Variants in NIPBL observed in about 807,000 individuals in gnomAD.
NIPBL encodes NIPBL cohesin loading factor.
NIPBL carries 19 observed loss-of-function variants against 321.8 expected under a neutral mutation model. That is an observed-to-expected ratio of 0.06 (90% CI 0.04 to 0.09). The LOEUF is 0.09. Among genes scored for constraint, NIPBL ranks in the 10% least tolerant of loss-of-function variants. The pLI is 1.00. For missense variants in NIPBL, 2,210 were observed against 3,327.0 expected (o/e 0.66, Z 8.26); for synonymous variants, 1,106 against 1,114.1 (o/e 0.99, Z 0.14).
At position 36,985,257 on chromosome 5, in the gene NIPBL, T is replaced by A; in HGVS notation, c.2077T>A (p.Ser693Thr). 3.1e-6 allele frequency: 5 copies of A among 1,613,252 alleles called. No homozygotes were observed. Among genetic ancestry groups the A allele is most frequent in the Non-Finnish European group, 4.2e-6 (5 of 1,179,838 alleles). ...PNDNKQNNGR[S>T]ETTKSRPETP... Reference sequence around the variant, plus strand: ...TGACAACAAACAAAATAATGGCAGATCAGAAACAACAAAATCAAGGCCTGA... The same window carrying A: ...TGACAACAAACAAAATAATGGCAGAACAGAAACAACAAAATCAAGGCCTGA... Residue 693 changes from serine to threonine, a missense_variant, in exon 10 of 47, where the codon TCA (serine) becomes ACA (threonine). Around this residue, in one of 14 missense-constraint regions of NIPBL, gnomAD observed 588 missense variants for 564.1 expected, o/e 1.04. Transcript: ENST00000282516.
chr5:36,966,582 G>C (rs1264461063), intron 6 of NIPBL, among the ~76,000 whole-genome samples: 1 of 151,988 alleles, frequency 6.6e-6, no homozygotes, highest in Non-Finnish European at 1.5e-5. Context: ...ATGATACTTT[G>C]AGATCATGTA....
At chr5:36,921,607 C>CA (rs776261303) in intron 1 of NIPBL, among the ~76,000 whole-genome samples, 114 of 151,536 alleles carry the variant, frequency 7.5e-4, no homozygotes, top group Non-Finnish European at 1.4e-3. Flanking sequence ...TTGAAGCTTA[C>CA]AAAAAAAATA....
At chr5:36,970,309 C>A (rs1407485754) in intron 6 of NIPBL, among the ~76,000 whole-genome samples, 1 of 151,336 alleles carries the variant, frequency 6.6e-6, no homozygotes, top group Non-Finnish European at 1.5e-5. Flanking sequence ...TCACTTGAAC[C>A]CAGGAGTTTG....
intron 30 of NIPBL, among the ~76,000 whole-genome samples, chr5:37,025,480 T>C (rs530050826): frequency 5.3e-5 from 8 of 152,166 alleles, no homozygotes; most frequent in African/African-American, 1.9e-4. Flanking sequence ...CTCATAGAGA[T>C]AGAGAATAGA....
At chr5:36,900,879 T>C (rs546099773) in intron 1 of NIPBL, among the ~76,000 whole-genome samples, 58 of 152,306 alleles carry the variant, frequency 3.8e-4, no homozygotes, top group Admixed American at 1.4e-3. Context: ...ATTCCATCTT[T>C]TCTTTGATGC....
rs1749537239 is a variant in NIPBL at position 37,020,775 on chromosome 5, G to A, written c.5226G>A (p.Lys1742=). Residue 1742 remains lysine, a splice_region_variant and synonymous_variant, in exon 27 of 47, where the codon AAG becomes AAA. Transcript: ENST00000282516. ...KTTPSQFSTL[K]MNSDTVDYDD... is the part of the protein sequence containing the mutation. Reference sequence around the variant, plus strand: ...AATTTTTAATGACTTTTTGTTGCAGGATGAACTCTGATACTGTGGACTATG... The same window carrying A: ...AATTTTTAATGACTTTTTGTTGCAGAATGAACTCTGATACTGTGGACTATG... 1 of 1,613,528 alleles carries A rather than the reference G, an allele frequency of 6.2e-7. No homozygotes were observed.
At chr5:36,961,459 T>G (rs1741615583) in intron 4 of NIPBL, 25 bp from the exon 5 acceptor site, 3 of 1,284,038 alleles carry the variant, frequency 2.3e-6, no homozygotes, top group Non-Finnish European at 3.4e-6. Flanking sequence ...GAAAATAACG[T>G]TCTGTATTTT....
At chr5:36,998,181 G>C (rs537194616) in intron 11 of NIPBL, among the ~76,000 whole-genome samples, 126 of 152,182 alleles carry the variant, frequency 8.3e-4, no homozygotes, top group African/African-American at 2.9e-3. Context: ...CCCCTCCCCT[G>C]CTTATTCCAG....
At chr5:36,918,839 G>T (rs1414553963) in intron 1 of NIPBL, among the ~76,000 whole-genome samples, 2 of 152,084 alleles carry the variant, frequency 1.3e-5, no homozygotes, top group Middle Eastern at 3.4e-3. Flanking sequence ...ATTGATTTTT[G>T]TATGTTGAAC....
chr5:37,018,671 C>T (rs1749273805), intron 24 of NIPBL, among the ~76,000 whole-genome samples: 1 of 152,092 alleles, frequency 6.6e-6, no homozygotes, highest in Admixed American at 6.5e-5. Flanking sequence ...ATACATTGTG[C>T]AGCTCAAGGG....
At chr5:37,014,603 T>A (rs1748710213) in intron 21 of NIPBL, 80 bp from the exon 22 acceptor site, 5 of 845,140 alleles carry the variant, frequency 5.9e-6, no homozygotes, top group Non-Finnish European at 2.0e-6. Context: ...ATTACCCCTC[T>A]TCAGTAATAA....
chr5:36,883,896 A>AT (rs1745686875), intron 1 of NIPBL, among the ~76,000 whole-genome samples: 1 of 151,094 alleles, frequency 6.6e-6, no homozygotes, highest in Non-Finnish European at 1.5e-5. Context: ...TTATTTATTT[A>AT]TTTTTTATTA....
intron 1 of NIPBL, among the ~76,000 whole-genome samples, chr5:36,952,056 GCGC>G (rs1740404011): frequency 1.1e-5 from 1 of 93,328 alleles, no homozygotes; most frequent in Non-Finnish European, 2.4e-5. Flanking sequence ...GTGTGTGTGC[GCGC>G]GCGCGCGCGC....
chr5:37,013,707 G>A (rs1156610822), intron 21 of NIPBL, among the ~76,000 whole-genome samples: 5 of 151,408 alleles, frequency 3.3e-5, no homozygotes, highest in Middle Eastern at 3.4e-3. Context: ...GGGCAGAGAT[G>A]CTCCTCACTT....
At chr5:36,901,855 C>A (rs1747254159) in intron 1 of NIPBL, among the ~76,000 whole-genome samples, 1 of 152,128 alleles carries the variant, frequency 6.6e-6, no homozygotes, top group African/African-American at 2.4e-5. Context: ...AGTGGCTGAA[C>A]TAGTTTACAT....
chr5:36,920,127 A>T (rs1580231615), intron 1 of NIPBL, among the ~76,000 whole-genome samples: 1 of 152,150 alleles, frequency 6.6e-6, no homozygotes, highest in South Asian at 2.1e-4. Flanking sequence ...TACATGTTAT[A>T]CTTCTGATTT....
At chr5:37,037,984 CTTTTTTT>C (rs34425779) in intron 33 of NIPBL, among the ~76,000 whole-genome samples, 2 of 116,224 alleles carry the variant, frequency 1.7e-5, no homozygotes, top group Non-Finnish European at 3.4e-5. Context: ...TATTCACTTC[CTTTTTTT>C]TTTTTTTTTT....
intron 10 of NIPBL, among the ~76,000 whole-genome samples, chr5:36,992,971 G>T (rs1045296910): frequency 2.6e-5 from 4 of 152,016 alleles, no homozygotes; most frequent in African/African-American, 9.7e-5. Flanking sequence ...TCGATCTCCT[G>T]ACCTCGTGAT....
chr5:37,017,012 T>C lies in NIPBL; in HGVS notation c.4777-7T>C. On this transcript the variant is annotated splice_polypyrimidine_tract_variant and splice_region_variant and intron_variant, in intron 23 of 46. Transcript: ENST00000282516. ...TCTATTCAATCAAAAACTATTTTGA[T>C]ATTTAGGTTCATCAGTTCAGTAACA... 1.3e-6 allele frequency: 2 copies of C among 1,581,796 alleles called. No homozygotes were observed. Among genetic ancestry groups the C allele is most frequent in the South Asian group, 2.3e-5 (2 of 87,302 alleles).
Sources: gnomAD v4.1 joint callset for allele counts (sites outside exome capture counted in the v4.1 genomes callset) on GRCh38, gnomAD v4.1.1 for gene constraint, gnomAD v4.1.1 regional missense constraint, MANE v1.5 for transcripts, NCBI Gene and HGNC (gene_info 2026-07-23, HGNC 2026-07-21) for gene names.